MEF2A: variants seen among roughly 807,000 people sequenced by gnomAD.
MEF2A encodes myocyte enhancer factor 2A.
A neutral mutation model predicts 55.8 loss-of-function variants in MEF2A; 28 were observed. The ratio of observed to expected loss-of-function variants is 0.50; its 90% confidence interval spans 0.37 to 0.69. MEF2A has a LOEUF of 0.69. Ranked by LOEUF, MEF2A falls within the 30% of genes least tolerant of loss-of-function variation. The pLI is 0.00. For synonymous variants in MEF2A, 239 were observed against 227.1 expected (o/e 1.05, Z -0.47); for missense variants, 528 against 626.2 (o/e 0.84, Z 1.67).
intron 3 of MEF2A, among the ~76,000 whole-genome samples, chr15:99,636,406 G>T (rs552838607): frequency 3.3e-5 from 5 of 152,258 alleles, no homozygotes; most frequent in Admixed American, 6.5e-5. Context: ...GAGTGCAGTG[G>T]TGCGATCATA....
intron 2 of MEF2A, among the ~76,000 whole-genome samples, chr15:99,628,159 G>T (rs187971917): frequency 3.6e-4 from 55 of 152,176 alleles, no homozygotes; most frequent in Non-Finnish European, 7.5e-4. Context: ...CTGGTGAATT[G>T]AACTTTTATT....
intron 4 of MEF2A, among the ~76,000 whole-genome samples, chr15:99,666,402 A>T (rs540254904): frequency 1.1e-4 from 17 of 152,086 alleles, no homozygotes; most frequent in Non-Finnish European, 2.1e-4. Flanking sequence ...CAACACATGG[A>T]CACGGAGCGG....
chr15:99,670,303 C>T (rs1423748385), intron 4 of MEF2A, among the ~76,000 whole-genome samples: 1 of 152,050 alleles, frequency 6.6e-6, no homozygotes, highest in Non-Finnish European at 1.5e-5. Context: ...ATTTTAATGG[C>T]ACTCAAGAAT....
At chr15:99,571,098 C>T (rs949298829) in intron 1 of MEF2A, among the ~76,000 whole-genome samples, 3 of 151,660 alleles carry the variant, frequency 2.0e-5, no homozygotes, top group African/African-American at 2.4e-5. Context: ...GCACGAGAAT[C>T]GCTTGAACCC....
intron 7 of MEF2A, among the ~76,000 whole-genome samples, chr15:99,679,980 G>A (rs2052907494): frequency 6.6e-6 from 1 of 152,124 alleles, no homozygotes; most frequent in Non-Finnish European, 1.5e-5. Context: ...TTTGGACATT[G>A]TTGTCTGCAT....
In MEF2A at chr15:99,713,488, A is replaced by G. The variant is rs1380052097; in HGVS notation, c.*717A>G. ...AAATATAGAGCATTAACAAAGTAAA[A>G]TTAATATATTAAGTTATAATTGGAA... On this transcript the variant is annotated 3_prime_UTR_variant, in exon 12 of 12. Coordinates refer to ENST00000557942, the MANE Select transcript of MEF2A (RefSeq NM_001319206.4). 1.3e-5 allele frequency: 2 copies of G among 152,658 alleles called. No individual in the cohort carries two copies. The highest frequency in any genetic ancestry group is 4.1e-4 in the South Asian group (2 of 4,836). 9.5% of individuals were successfully genotyped at this position (152,658 alleles called of 1,614,324 possible).
At position 99,714,428 on chromosome 15, in the gene MEF2A, C is replaced by T. The variant is rs1474524870; in HGVS notation, c.*1657C>T. On this transcript the variant is annotated 3_prime_UTR_variant, in exon 12 of 12. Coordinates refer to ENST00000557942, the MANE Select transcript of MEF2A (RefSeq NM_001319206.4). ...TTTCCTTGACCCTCTGAAAACAGAACGATGCAGCTGGTTACAAAATCCTAC... is the reference window on the plus strand; with the variant it reads ...TTTCCTTGACCCTCTGAAAACAGAATGATGCAGCTGGTTACAAAATCCTAC... The T allele has an allele frequency of 3.3e-5, 5 of 152,162 alleles. No individual in the cohort carries two copies. The highest frequency in any genetic ancestry group is 2.1e-4 in the South Asian group (1 of 4,824). 9.4% of individuals were successfully genotyped at this position (152,162 alleles called of 1,614,324 possible).
chr15:99,711,368 A>T (rs1227918231), intron 11 of MEF2A, among the ~76,000 whole-genome samples: 1 of 152,224 alleles, frequency 6.6e-6, no homozygotes, highest in African/African-American at 2.4e-5. Context: ...AACCTCATTC[A>T]CAAAGAGAAT....
chr15:99,665,150 A>G (rs1213119868), intron 4 of MEF2A, among the ~76,000 whole-genome samples: 1 of 152,230 alleles, frequency 6.6e-6, no homozygotes, highest in Non-Finnish European at 1.5e-5. Flanking sequence ...GTGTTGTAAA[A>G]TAGCCTCATC....
intron 2 of MEF2A, among the ~76,000 whole-genome samples, chr15:99,611,567 C>T (rs1203110797): frequency 6.6e-6 from 1 of 152,190 alleles, no homozygotes; most frequent in Non-Finnish European, 1.5e-5. Flanking sequence ...TCATACTTTG[C>T]TGGTGGTAAT....
intron 1 of MEF2A, among the ~76,000 whole-genome samples, chr15:99,590,898 A>G (rs1969051258): frequency 6.6e-6 from 1 of 152,186 alleles, no homozygotes; most frequent in Admixed American, 6.5e-5. Flanking sequence ...TGTCACGTTT[A>G]CCATTTGTTA....
chr15:99,629,508 A>G (rs893486145), intron 2 of MEF2A, among the ~76,000 whole-genome samples: 17 of 152,160 alleles, frequency 1.1e-4, no homozygotes, highest in Non-Finnish European at 1.8e-4. Flanking sequence ...GTGGGCATGT[A>G]AAAGAAAGCG....
At chr15:99,607,138 A>G (rs1026977641) in intron 2 of MEF2A, among the ~76,000 whole-genome samples, 1 of 152,198 alleles carries the variant, frequency 6.6e-6, no homozygotes, top group Admixed American at 6.5e-5. Flanking sequence ...GATTAGGGAT[A>G]TGTGCTTATG....
intron 3 of MEF2A, among the ~76,000 whole-genome samples, chr15:99,642,757 A>G (rs2153463960): frequency 6.6e-6 from 1 of 152,342 alleles, no homozygotes; most frequent in Middle Eastern, 3.4e-3. Flanking sequence ...ATCTTGTAGC[A>G]CTAATCAGAG....
chr15:99,619,774 TG>T (rs1369353537), intron 2 of MEF2A, among the ~76,000 whole-genome samples: 1 of 152,222 alleles, frequency 6.6e-6, no homozygotes, highest in Non-Finnish European at 1.5e-5. Flanking sequence ...TGCATATAAT[TG>T]GATTTTCCTG....
intron 4 of MEF2A, among the ~76,000 whole-genome samples, chr15:99,655,607 T>C (rs2047572477): frequency 6.6e-6 from 1 of 152,106 alleles, no homozygotes; most frequent in Admixed American, 6.6e-5. Flanking sequence ...CTAAACTAAA[T>C]TATCTCACTT....
intron 1 of MEF2A, among the ~76,000 whole-genome samples, chr15:99,594,084 C>T (rs188187537): frequency 1.5e-3 from 225 of 152,288 alleles, no homozygotes; most frequent in African/African-American, 5.3e-3. Context: ...CTGATACTAT[C>T]TACCTGGAGA....
chr15:99,700,333 G>T (rs1406835495), intron 8 of MEF2A, among the ~76,000 whole-genome samples: 1 of 149,374 alleles, frequency 6.7e-6, no homozygotes, highest in Non-Finnish European at 1.5e-5. Flanking sequence ...CCAACATGGC[G>T]AAACCCCGTC....
intron 7 of MEF2A, among the ~76,000 whole-genome samples, chr15:99,688,640 C>T (rs1036294797): frequency 1.3e-5 from 2 of 152,052 alleles, no homozygotes; most frequent in African/African-American, 2.4e-5. Context: ...GCCTGTAGTC[C>T]CAGCTACTCA....
Sources: gnomAD v4.1 joint callset for allele counts (sites outside exome capture counted in the v4.1 genomes callset) on GRCh38, gnomAD v4.1.1 for gene constraint, MANE v1.5 for transcripts, NCBI Gene and HGNC (gene_info 2026-07-23, HGNC 2026-07-21) for gene names.